The following CD244 variants were observed in gnomAD, a reference collection of about 807,000 sequenced individuals.
The protein encoded by CD244 is CD244 molecule.
A neutral mutation model predicts 45.5 loss-of-function variants in CD244; 20 were observed. The ratio of observed to expected loss-of-function variants is 0.44; its 90% confidence interval spans 0.31 to 0.64. The LOEUF (loss-of-function observed/expected upper bound fraction) is 0.64, where lower values mean the gene tolerates loss of function less well. CD244 is among the 30% of genes least tolerant of loss of function. CD244 has a pLI of 0.08. For missense variants in CD244, 407 were observed against 426.9 expected, an observed-to-expected ratio of 0.95 and a Z score of 0.41; for synonymous variants, 185 against 160.5, an observed-to-expected ratio of 1.15 and a Z score of -1.15.
intron 1 of CD244, among the ~76,000 whole-genome samples, chr1:160,857,697 G>A (rs1557845691): frequency 6.6e-6 from 1 of 152,216 alleles, no homozygotes; most frequent in Non-Finnish European, 1.5e-5. Context: ...ATGTACATTT[G>A]TAATTTTGTG....
intron 3 of CD244, among the ~76,000 whole-genome samples, 179 bp downstream of exon 3, chr1:160,841,031 A>C (rs928738335): frequency 1.1e-4 from 16 of 152,228 alleles, no homozygotes; most frequent in African/African-American, 3.9e-4. Flanking sequence ...CCAGAGTAGG[A>C]TAGGCCTAGC....
chr1:160,854,880 A>T (rs1370847185), intron 1 of CD244, among the ~76,000 whole-genome samples: 1 of 152,224 alleles, frequency 6.6e-6, no homozygotes, highest in Non-Finnish European at 1.5e-5. Context: ...TTGATTTTTC[A>T]ACTGGAAGGA....
intron 1 of CD244, among the ~76,000 whole-genome samples, chr1:160,859,659 C>T (rs1048716232): frequency 6.6e-6 from 1 of 151,372 alleles, no homozygotes; most frequent in African/African-American, 2.4e-5. Flanking sequence ...GTAGTCCCAC[C>T]ACTTTGGGAG....
intron 1 of CD244, among the ~76,000 whole-genome samples, chr1:160,849,851 A>G (rs949832262): frequency 3.9e-5 from 6 of 152,156 alleles, no homozygotes; most frequent in Admixed American, 2.0e-4. Context: ...CATCTCTACT[A>G]AAAATACAAA....
At chr1:160,860,878 C>T (rs1218037867) in intron 1 of CD244, among the ~76,000 whole-genome samples, 1 of 152,220 alleles carries the variant, frequency 6.6e-6, no homozygotes, top group Non-Finnish European at 1.5e-5. Flanking sequence ...CCTATAGACA[C>T]AGGATGGAGG....
chr1:160,831,498 C>G, intron 8 of CD244, 71 bp from the exon 9 acceptor site: 1 of 1,028,228 alleles, frequency 9.7e-7, no homozygotes, highest in Admixed American at 2.1e-5. Context: ...TGAGGTATGA[C>G]TTGCCATCCC....
chr1:160,844,189 A>G (rs1557837522), intron 1 of CD244, among the ~76,000 whole-genome samples: 1 of 152,230 alleles, frequency 6.6e-6, no homozygotes, highest in Admixed American at 6.5e-5. Flanking sequence ...TATTCCTAGA[A>G]TGTTTCATAC....
rs544758294 is a variant in CD244 at position 160,847,675 on chromosome 1, A to T, written c.62-5774T>A. On this transcript the variant is annotated intron_variant, in intron 1 of 8. Transcript: ENST00000368034. Reference sequence around the variant, plus strand: ...AAGTGATAATGAGTATCAAATGTGCAATATAGCTAAGGCAGTGTTTAGAGG... The same window carrying T: ...AAGTGATAATGAGTATCAAATGTGCTATATAGCTAAGGCAGTGTTTAGAGG... 3.3e-5 allele frequency among the ~76,000 whole-genome samples: 5 copies of T among 152,338 alleles called. No individual in the cohort carries two copies. The South Asian group carries it at 6.2e-4, about 19-fold the overall frequency.
Position 160,838,524 on chromosome 1 carries a change from G to T in CD244, c.767-6C>A. ...AAATTCCTTGGGACTGGTCTCTGAG[G>T]GAGGAAGAAAACAAAGAGCAGAGCT... On this transcript the variant is annotated splice_polypyrimidine_tract_variant and splice_region_variant and intron_variant, in intron 4 of 8. Coordinates refer to ENST00000368034, the MANE Select transcript of CD244 (RefSeq NM_016382.4). The T allele has an allele frequency of 6.2e-7, 1 of 1,608,510 alleles. No individual in the cohort carries two copies. The highest frequency in any genetic ancestry group is 8.5e-7 in the Non-Finnish European group (1 of 1,174,888).
At chr1:160,839,246 G>T (rs1669449395) in intron 3 of CD244, 197 bp from the exon 4 acceptor site, 2 of 518,602 alleles carry the variant, frequency 3.9e-6, no homozygotes, top group African/African-American at 3.9e-5. Context: ...CAAGAGCATA[G>T]ATATATCAGA....
chr1:160,839,880 G>A (rs955611333), intron 3 of CD244, among the ~76,000 whole-genome samples: 4 of 152,062 alleles, frequency 2.6e-5, no homozygotes, highest in African/African-American at 9.7e-5. Flanking sequence ...CTTCCTTCAT[G>A]GCTCTTCCTC....
At chr1:160,855,522 A>C (rs1670074099) in intron 1 of CD244, among the ~76,000 whole-genome samples, 1 of 152,150 alleles carries the variant, frequency 6.6e-6, no homozygotes, top group Non-Finnish European at 1.5e-5. Context: ...ATACAGAAAG[A>C]CCTCAGTTTC....
In CD244 at chr1:160,838,973, A is replaced by G; in HGVS notation, c.732T>C (p.Cys244=). 2 of 1,613,948 alleles carry G rather than the reference A, an allele frequency of 1.2e-6. No individual in the cohort carries two copies. Among genetic ancestry groups the G allele is most frequent in the Non-Finnish European group, 1.7e-6 (2 of 1,179,892 alleles). The part of the protein sequence containing the change: ...ALFLGTLACF[C]VWRRKRKEKQ... ...TCTCCTTCCTCTTTCTCCTCCACAC[A>G]CAGAAGCAGGCAAGGGTGCCAAGGA... is the stretch of plus-strand genomic sequence containing the variant. The change falls in exon 4 of 9, where the codon TGT becomes TGC. Residue 244 remains cysteine (C), a synonymous_variant. Coordinates refer to ENST00000368034, the MANE Select transcript of CD244 (RefSeq NM_016382.4).
intron 8 of CD244, among the ~76,000 whole-genome samples, chr1:160,831,859 G>A (rs538876274): frequency 6.6e-6 from 1 of 152,134 alleles, no homozygotes; most frequent in Non-Finnish European, 1.5e-5. Flanking sequence ...GGGGGAGGTT[G>A]GGGGATGCTC....
intron 1 of CD244, among the ~76,000 whole-genome samples, chr1:160,854,955 A>C (rs900193126): frequency 6.6e-5 from 10 of 152,214 alleles, no homozygotes; most frequent in Non-Finnish European, 1.0e-4. Flanking sequence ...GGATGTCTTC[A>C]CAGACAGCAG....
intron 1 of CD244, 70 bp from the exon 2 acceptor site, chr1:160,841,971 G>T (rs1571099518): frequency 1.0e-5 from 14 of 1,373,376 alleles, no homozygotes; most frequent in Non-Finnish European, 1.3e-5. Flanking sequence ...GCAGCTGGAT[G>T]TGACTTCCCT....
intron 1 of CD244, among the ~76,000 whole-genome samples, chr1:160,845,289 C>T (rs1029199811): frequency 6.6e-6 from 1 of 151,546 alleles, no homozygotes; most frequent in Non-Finnish European, 1.5e-5. Flanking sequence ...CATTTAGATG[C>T]CATTGAAAAG....
chr1:160,836,399 C>A lies in CD244; in HGVS notation c.835-145G>T. The stretch of plus-strand genomic sequence containing the variant: ...AGGACTGGGGAGAGTCATTGATCCT[C>A]CCAAGATGGGAAGAGACAGGAAGAA... On this transcript the variant is annotated intron_variant, in intron 5 of 8. Coordinates refer to ENST00000368034, the MANE Select transcript of CD244 (RefSeq NM_016382.4). 3 of 683,306 alleles carry A rather than the reference C, an allele frequency of 4.4e-6. No homozygotes were observed. In the South Asian group the frequency reaches 4.9e-5, roughly 11 times the overall value. 42.3% of individuals were successfully genotyped at this position (683,306 alleles called of 1,614,324 possible). A position where few individuals can be genotyped will look rare whatever the true frequency, so the allele number is the denominator to read the frequency against.
At chr1:160,834,183 C>G (rs966487728) in intron 6 of CD244, 67 bp from the exon 7 acceptor site, 2 of 1,199,336 alleles carry the variant, frequency 1.7e-6, no homozygotes, top group South Asian at 1.2e-5. Flanking sequence ...AAGGTTATCT[C>G]TTCCGTTTCT....
Sources: allele counts gnomAD v4.1 joint callset (sites outside exome capture counted in the v4.1 genomes callset), GRCh38; gene constraint gnomAD v4.1.1; transcripts MANE v1.5; gene names NCBI Gene and HGNC (gene_info 2026-07-23, HGNC 2026-07-21).